Variants in KSR2 observed in about 807,000 individuals in gnomAD.
KSR2 encodes kinase suppressor of ras 2.
Under a neutral mutation model 107.8 loss-of-function variants are expected in KSR2, and 25 were observed. That is an observed-to-expected ratio of 0.23 (90% CI 0.17 to 0.32). The LOEUF (loss-of-function observed/expected upper bound fraction) is 0.32. KSR2 is among the 10% of genes least tolerant of loss of function. The pLI is 1.00. For missense variants in KSR2, 887 were observed against 1,268.9 expected, an observed-to-expected ratio of 0.70 and a Z score of 4.57; for synonymous variants, 480 against 507.0, an observed-to-expected ratio of 0.95 and a Z score of 0.71.
intron 1 of KSR2, among the ~76,000 whole-genome samples, chr12:117,911,268 A>G (rs893237049): frequency 2.0e-5 from 3 of 152,154 alleles, no homozygotes; most frequent in African/African-American, 2.4e-5. Context: ...GCTTTGGCCA[A>G]TGGAATATCA....
chr12:117,864,831 A>G (rs1163433831), intron 1 of KSR2, among the ~76,000 whole-genome samples: 3 of 152,204 alleles, frequency 2.0e-5, no homozygotes, highest in African/African-American at 7.2e-5. Context: ...ATCTAAACTA[A>G]TTACATCTGC....
chr12:117,730,580 C>T lies in KSR2; in HGVS notation c.986+30431G>A, dbSNP rs950384693. 5.3e-5 allele frequency among the ~76,000 whole-genome samples: 8 copies of T among 152,112 alleles called. No homozygotes were observed. The South Asian group carries it at 6.2e-4, about 12-fold the overall frequency. Reference sequence around the variant, plus strand: ...CTGAGCCGAGGCTGGACTGTACTGCCGCCATCTCGGCTCACCGCATCCTCC... The same window carrying T: ...CTGAGCCGAGGCTGGACTGTACTGCTGCCATCTCGGCTCACCGCATCCTCC... On this transcript the variant is annotated intron_variant, in intron 4 of 19. Coordinates refer to ENST00000339824, the MANE Select transcript of KSR2 (RefSeq NM_173598.6).
chr12:117,923,928 G>A (rs1184644059), intron 1 of KSR2, among the ~76,000 whole-genome samples: 1 of 150,826 alleles, frequency 6.6e-6, no homozygotes, highest in African/African-American at 2.4e-5. Flanking sequence ...GCCCAGGCTG[G>A]AGTGCAATGG....
Position 117,968,437 on chromosome 12 carries a change from G to A in KSR2, c.-182C>T. 4 of 1,327,114 alleles carry A rather than the reference G, an allele frequency of 3.0e-6. No individual in the cohort carries two copies. The highest frequency in any genetic ancestry group is 3.8e-6 in the Non-Finnish European group (4 of 1,046,446). 82.2% of individuals were successfully genotyped at this position (1,327,114 alleles called of 1,614,324 possible). A position where few individuals can be genotyped will look rare whatever the true frequency, so the allele number is the denominator to read the frequency against. ...GTGGGAGTGGGAGGAGGGGACAAGA[G>A]CCAAAATTTATTATTTTATTTTGGG... is the stretch of plus-strand genomic sequence containing the variant. On this transcript the variant is annotated 5_prime_UTR_variant, in exon 1 of 20. Transcript: ENST00000339824.
chr12:117,854,895 A>T (rs1210020596), intron 3 of KSR2, among the ~76,000 whole-genome samples: 1 of 152,194 alleles, frequency 6.6e-6, no homozygotes, highest in East Asian at 1.9e-4. Flanking sequence ...AAATTTAAGC[A>T]ATATGTGTGG....
chr12:117,961,849 A>T (rs1452911562), intron 1 of KSR2, among the ~76,000 whole-genome samples: 1 of 152,212 alleles, frequency 6.6e-6, no homozygotes, highest in Non-Finnish European at 1.5e-5. Context: ...TATGAAGAGC[A>T]AAGAAATGAT....
intron 1 of KSR2, among the ~76,000 whole-genome samples, chr12:117,959,137 CAAT>C (rs2095105215): frequency 6.6e-6 from 1 of 152,048 alleles, no homozygotes; most frequent in South Asian, 2.1e-4. Context: ...ATTAATTAAA[CAAT>C]AATAATACTT....
intron 14 of KSR2, among the ~76,000 whole-genome samples, chr12:117,513,351 G>C (rs1259786260): frequency 6.6e-6 from 1 of 152,134 alleles, no homozygotes; most frequent in Non-Finnish European, 1.5e-5. Flanking sequence ...TCTTAAACAT[G>C]ATCAGGCAGG....
chr12:117,648,000 C>G (rs1212364876), intron 5 of KSR2, among the ~76,000 whole-genome samples: 1 of 152,186 alleles, frequency 6.6e-6, no homozygotes, highest in Non-Finnish European at 1.5e-5. Flanking sequence ...TAAACCACCA[C>G]ACCCAGCCTA....
intron 3 of KSR2, among the ~76,000 whole-genome samples, chr12:117,824,054 G>A (rs1181770839): frequency 1.3e-5 from 2 of 152,180 alleles, no homozygotes; most frequent in East Asian, 1.9e-4. Flanking sequence ...ATACACAATG[G>A]AATATTATTC....
chr12:117,895,056 T>C (rs1276624787), intron 1 of KSR2, among the ~76,000 whole-genome samples: 2 of 151,462 alleles, frequency 1.3e-5, no homozygotes, highest in African/African-American at 4.9e-5. Flanking sequence ...ACAGTCAGAC[T>C]CTGTCTCTAC....
intron 3 of KSR2, among the ~76,000 whole-genome samples, chr12:117,802,997 C>T (rs1890886652): frequency 6.6e-6 from 1 of 152,148 alleles, no homozygotes; most frequent in South Asian, 2.1e-4. Context: ...ATAAATTGCC[C>T]ATGCATTGTC....
chr12:117,687,003 G>A (rs1329907644), intron 4 of KSR2, among the ~76,000 whole-genome samples: 1 of 152,152 alleles, frequency 6.6e-6, no homozygotes, highest in Non-Finnish European at 1.5e-5. Flanking sequence ...AGGGCTAGTT[G>A]CTTAACCTCA....
chr12:117,467,613 G>A (rs1871219332), intron 19 of KSR2, among the ~76,000 whole-genome samples: 1 of 152,192 alleles, frequency 6.6e-6, no homozygotes, highest in Non-Finnish European at 1.5e-5. Flanking sequence ...CATGGACTAG[G>A]AATGGTCATC....
chr12:117,617,839 T>G (rs936270890), intron 5 of KSR2, among the ~76,000 whole-genome samples: 7 of 152,344 alleles, frequency 4.6e-5, no homozygotes, highest in African/African-American at 1.7e-4. Flanking sequence ...ACCTCAATAG[T>G]GTTGCTTTAA....
intron 1 of KSR2, among the ~76,000 whole-genome samples, chr12:117,871,100 C>T (rs999394881): frequency 4.6e-5 from 7 of 152,142 alleles, no homozygotes; most frequent in Admixed American, 2.0e-4. Flanking sequence ...GTAATGAGCA[C>T]GTTTTATGAA....
At chr12:117,540,313 A>C (rs1165829411) in intron 9 of KSR2, among the ~76,000 whole-genome samples, 1 of 152,144 alleles carries the variant, frequency 6.6e-6, no homozygotes, top group Non-Finnish European at 1.5e-5. Flanking sequence ...AGCCTTCAGC[A>C]TCTTAGCTTG....
At chr12:117,833,344 A>G (rs1273982160) in intron 3 of KSR2, among the ~76,000 whole-genome samples, 1 of 152,156 alleles carries the variant, frequency 6.6e-6, no homozygotes, top group East Asian at 1.9e-4. Context: ...CCCTTGGGAC[A>G]GGAGTGCATT....
chr12:117,727,842 T>C (rs1016843333), intron 4 of KSR2, among the ~76,000 whole-genome samples: 2 of 152,208 alleles, frequency 1.3e-5, no homozygotes, highest in Non-Finnish European at 2.9e-5. Flanking sequence ...TAAATGATGG[T>C]ATATTCACAC....
Sources: gnomAD v4.1 joint callset for allele counts (sites outside exome capture counted in the v4.1 genomes callset) on GRCh38, gnomAD v4.1.1 for gene constraint, MANE v1.5 for transcripts, NCBI Gene and HGNC (gene_info 2026-07-23, HGNC 2026-07-21) for gene names.